Variants in SFXN4 observed in about 807,000 individuals in gnomAD.
The protein encoded by SFXN4 is sideroflexin-4.
SFXN4 carries 48 observed loss-of-function variants against 54.6 expected under a neutral mutation model. The observed-to-expected ratio is 0.88, with a 90% CI of 0.70 to 1.12. The LOEUF (loss-of-function observed/expected upper bound fraction) is 1.12, where lower values mean the gene tolerates loss of function less well. Ranked by LOEUF, SFXN4 falls within the 50% of genes most tolerant of loss-of-function variation. SFXN4 has a pLI of 0.00. For synonymous variants in SFXN4, 130 were observed against 145.5 expected (o/e 0.89, Z 0.77); for missense variants, 383 against 409.2 (o/e 0.94, Z 0.55).
chr10:119,155,328 G>C lies in SFXN4; in HGVS notation c.617-151C>G, dbSNP rs1416638587. On this transcript the variant is annotated intron_variant, in intron 10 of 13. Transcript: ENST00000355697. ...CAGGTGGACACCTGCCATAGGCTGG[G>C]CCAACCAAGTGCTCTCCTGGGGCTG... 7 of 612,912 alleles carry C rather than the reference G, an allele frequency of 1.1e-5. No individual in the cohort carries two copies. In the African/African-American group the frequency reaches 1.3e-4, roughly 11 times the overall value. 38.0% of individuals were successfully genotyped at this position (612,912 alleles called of 1,614,324 possible). A position where few individuals can be genotyped will look rare whatever the true frequency, so the allele number is the denominator to read the frequency against.
intron 13 of SFXN4, among the ~76,000 whole-genome samples, chr10:119,142,309 C>T (rs1045706567): frequency 5.9e-5 from 9 of 152,088 alleles, no homozygotes; most frequent in Admixed American, 1.3e-4. Context: ...CATCAAGCAC[C>T]TCCCACACCC....
rs542904555 is a variant in SFXN4, at chr10:119,155,819, T to G, written c.617-642A>C. Among the ~76,000 whole-genome samples, 9 of 152,286 alleles carry G rather than the reference T, an allele frequency of 5.9e-5. No homozygotes were observed. In the South Asian group the frequency reaches 1.9e-3, roughly 32 times the overall value. On this transcript the variant is annotated intron_variant, in intron 10 of 13. Coordinates refer to ENST00000355697, the MANE Select transcript of SFXN4 (RefSeq NM_213649.2). ...AAGTTGTAAGGTTTCTATAACACCA[T>G]TTCCTCAATTTCACCACTGACATCA...
At position 119,147,757 on chromosome 10, in the gene SFXN4, T is replaced by A. The variant is rs1427348627; in HGVS notation, c.818+18A>T. On this transcript the variant is annotated intron_variant, in intron 12 of 13. Coordinates refer to ENST00000355697, the MANE Select transcript of SFXN4 (RefSeq NM_213649.2). Reference sequence around the variant, plus strand: ...TGACTTTCAAATCCCTACCTGGGGATATGACCGTGTCTCTTACCTTTTAAA... The same window carrying A: ...TGACTTTCAAATCCCTACCTGGGGAAATGACCGTGTCTCTTACCTTTTAAA... 1.9e-6 allele frequency: 3 copies of A among 1,606,004 alleles called. No homozygotes were observed. Among genetic ancestry groups the A allele is most frequent in the African/African-American group, 1.3e-5 (1 of 74,844 alleles).
chr10:119,161,323 G>A (rs1055645811), intron 3 of SFXN4, among the ~76,000 whole-genome samples: 2 of 150,740 alleles, frequency 1.3e-5, no homozygotes, highest in African/African-American at 2.4e-5. Flanking sequence ...CTTGCTATAC[G>A]GCCCAGGCTG....
intron 6 of SFXN4, 102 bp downstream of exon 6, chr10:119,159,626 G>T: frequency 8.1e-7 from 1 of 1,239,468 alleles, no homozygotes; most frequent in Non-Finnish European, 1.2e-6. Context: ...AGGCAGTCAT[G>T]TGACAGGGGT....
At chr10:119,149,477 C>T (rs1011086094) in intron 11 of SFXN4, among the ~76,000 whole-genome samples, 3 of 152,144 alleles carry the variant, frequency 2.0e-5, no homozygotes, top group Non-Finnish European at 2.9e-5. Flanking sequence ...GGGCCGGGCA[C>T]GGTGGCTCAT....
In SFXN4 at chr10:119,153,381, C is replaced by T. The variant is rs147667324; in HGVS notation, c.732+1681G>A. Among the ~76,000 whole-genome samples the T allele has an allele frequency of 4.2e-3, 571 of 134,628 alleles. 4 individuals carry two copies. The highest frequency in any genetic ancestry group is 0.015 in the African/African-American group (547 of 36,346). The allele number at this position is 134,628 out of a possible 152,430, so 88.3% of individuals were successfully genotyped here. On this transcript the variant is annotated intron_variant, in intron 11 of 13. Coordinates refer to ENST00000355697, the MANE Select transcript of SFXN4 (RefSeq NM_213649.2). The stretch of plus-strand genomic sequence containing the variant: ...CCGTGATCACACCATTGCACTCCAG[C>T]GACAGAAGGAGACCCTGTCTCAAAA...
Position 119,158,977 on chromosome 10 carries a change from T to C in SFXN4, c.360+751A>G, listed in dbSNP as rs540376802. ...CAGCCTGGGCAACAGAGCAAGACCC[T>C]ATTTTAAAAAACAAAAAACGGTCCA... On this transcript the variant is annotated intron_variant, in intron 6 of 13. Transcript: ENST00000355697. 7.3e-4 allele frequency among the ~76,000 whole-genome samples: 110 copies of C among 151,680 alleles called. 2 individuals are homozygous for C. The highest frequency in any genetic ancestry group is 1.4e-3 in the Non-Finnish European group (92 of 67,912).
At position 119,144,314 on chromosome 10, in the gene SFXN4, G is replaced by T. The variant is rs991504881; in HGVS notation, c.936+1922C>A. On this transcript the variant is annotated intron_variant, in intron 13 of 13. Transcript: ENST00000355697. ...TACTAAAAAATACAAAAAATTAGCTGGGTGTGGTGGCGGGCGCCTGTAGTC... is the reference window on the plus strand; with the variant it reads ...TACTAAAAAATACAAAAAATTAGCTTGGTGTGGTGGCGGGCGCCTGTAGTC... Among the ~76,000 whole-genome samples the T allele has an allele frequency of 3.3e-5, 5 of 151,966 alleles. No individual in the cohort carries two copies. In the East Asian group the frequency reaches 7.7e-4, roughly 24 times the overall value.
rs781636904 is a variant in SFXN4 at position 119,146,458 on chromosome 10, T to C, written c.819-105A>G. ...GTGTGTGTGTGTGTGTGTGTGTGTG[T>C]GTGCACGTGTGTGTGTACCTGAACA... On this transcript the variant is annotated intron_variant, in intron 12 of 13. Coordinates refer to ENST00000355697, the MANE Select transcript of SFXN4 (RefSeq NM_213649.2). 0.023 allele frequency: 12,196 copies of C among 528,854 alleles called. 338 individuals are homozygous for C. The highest frequency in any genetic ancestry group is 0.029 in the Non-Finnish European group (8,683 of 302,858). The allele number at this position is 528,854 out of a possible 1,614,324, so 32.8% of individuals were successfully genotyped here.
At chr10:119,157,154 C>A (rs1168717286) in intron 9 of SFXN4, among the ~76,000 whole-genome samples, 1 of 152,052 alleles carries the variant, frequency 6.6e-6, no homozygotes, top group African/African-American at 2.4e-5. Context: ...ACCAGCCAGG[C>A]GTGGTGGCTC....
intron 1 of SFXN4, chr10:119,165,128 A>C: frequency 1.2e-6 from 1 of 817,994 alleles, no homozygotes; most frequent in Non-Finnish European, 1.5e-6. Flanking sequence ...GCAGGGAGAT[A>C]AGTCCTGCTT....
rs768737784 is a variant in SFXN4, at chr10:119,164,141, A to G, written c.167T>C (p.Phe56Ser). ...GAAAACAATACTTACAACTGAAATG[A>G]ACACATTTGTAGGATCTAATAATTC... is the stretch of plus-strand genomic sequence containing the variant. ...WTELLDPTNVFISVESIENSR... is the reference protein window; with the variant it reads ...WTELLDPTNVSISVESIENSR... Residue 56 changes from phenylalanine to serine, a missense_variant, in exon 2 of 14, where the codon TTC (phenylalanine) becomes TCC (serine). Transcript: ENST00000355697. 6.3e-7 allele frequency: 1 copy of G among 1,583,092 alleles called. No homozygotes were observed. Among genetic ancestry groups the G allele is most frequent in the Non-Finnish European group, 8.6e-7 (1 of 1,160,736 alleles).
In SFXN4 at chr10:119,162,381, T is replaced by G. The variant is rs1012970819; in HGVS notation, c.211A>C (p.Thr71Pro). ...SIENSRQLLC[T>P]NEDVSSPASA... ...GCAGGGCTGGAAACATCTTCATTTG[T>G]GCACAATAGTTGCCTCGAGTTTTCT... The change falls in exon 3 of 14, where the codon ACA becomes CCA. Residue 71 changes from threonine (T) to proline (P), a missense_variant. Coordinates refer to ENST00000355697, the MANE Select transcript of SFXN4 (RefSeq NM_213649.2). The G allele has an allele frequency of 1.9e-6, 3 of 1,614,214 alleles. No individual in the cohort carries two copies.
rs1030857559 is a variant in SFXN4 at position 119,145,441 on chromosome 10, A to G, written c.936+795T>C. On this transcript the variant is annotated intron_variant, in intron 13 of 13. Transcript: ENST00000355697. ...GCGATTCTCCTGCCTCAGCCTCCCG[A>G]GTAGCTGAGATTACAGCTACCGTGG... Among the ~76,000 whole-genome samples, 7 of 151,496 alleles carry G rather than the reference A, an allele frequency of 4.6e-5. No homozygotes were observed. In the South Asian group the frequency reaches 1.5e-3, roughly 32 times the overall value.
chr10:119,165,351 C>G lies in SFXN4; in HGVS notation c.111+186G>C, dbSNP rs575764234. 71 of 1,310,090 alleles carry G rather than the reference C, an allele frequency of 5.4e-5. No homozygotes were observed. In the East Asian group the frequency reaches 2.4e-3, roughly 43 times the overall value. The allele number at this position is 1,310,090 out of a possible 1,614,324, so 81.2% of individuals were successfully genotyped here. A position where few individuals can be genotyped will look rare whatever the true frequency, so the allele number is the denominator to read the frequency against. On this transcript the variant is annotated intron_variant, in intron 1 of 13. Coordinates refer to ENST00000355697, the MANE Select transcript of SFXN4 (RefSeq NM_213649.2). ...GGGCATCTGGCAGCTTCGATTTCCC[C>G]TGCGTCCCCTGCCGCGCCCTAAGGG...
chr10:119,162,451 A>T, intron 2 of SFXN4, 37 bp from the exon 3 acceptor site: 1 of 1,548,766 alleles, frequency 6.5e-7, no homozygotes, highest in South Asian at 1.1e-5. Flanking sequence ...TAATGATCTC[A>T]ACATTGTTCA....
Position 119,160,166 on chromosome 10 carries a change from G to A in SFXN4, c.335-413C>T, listed in dbSNP as rs1240830458. On this transcript the variant is annotated intron_variant, in intron 5 of 13. Coordinates refer to ENST00000355697, the MANE Select transcript of SFXN4 (RefSeq NM_213649.2). Reference sequence around the variant, plus strand: ...TGTACTCCAGCCTGGGTAACAGAGCGAGACCCTGTCTCTAAAAATGACAAT... The same window carrying A: ...TGTACTCCAGCCTGGGTAACAGAGCAAGACCCTGTCTCTAAAAATGACAAT... Among the ~76,000 whole-genome samples, 7 of 151,950 alleles carry A rather than the reference G, an allele frequency of 4.6e-5. No homozygotes were observed. In the South Asian group the frequency reaches 6.2e-4, roughly 14 times the overall value.
At chr10:119,155,000 A>C in intron 11 of SFXN4, 62 bp downstream of exon 11, 1 of 1,161,342 alleles carries the variant, frequency 8.6e-7, no homozygotes, top group Middle Eastern at 2.0e-4. Flanking sequence ...ACCGGCTTTC[A>C]AACAGAAAAG....
Sources: allele counts gnomAD v4.1 joint callset (sites outside exome capture counted in the v4.1 genomes callset), GRCh38; gene constraint gnomAD v4.1.1; transcripts MANE v1.5; gene names NCBI Gene and HGNC (gene_info 2026-07-23, HGNC 2026-07-21).